The following PHLDB2 variants were observed in gnomAD, a reference collection of about 807,000 sequenced individuals.
The protein encoded by PHLDB2 is pleckstrin homology-like domain family B member 2.
PHLDB2 carries 71 observed loss-of-function variants against 123.6 expected under a neutral mutation model. The ratio of observed to expected loss-of-function variants is 0.57; its 90% CI spans 0.47 to 0.70. The LOEUF is 0.70. Among genes scored for constraint, PHLDB2 ranks in the 30% least tolerant of loss-of-function variants. PHLDB2 has a pLI of 0.00. For missense variants in PHLDB2, 1,446 were observed against 1,519.5 expected (o/e 0.95, Z 0.80); for synonymous variants, 547 against 541.6 (o/e 1.01, Z -0.14).
intron 1 of PHLDB2, among the ~76,000 whole-genome samples, chr3:111,740,653 G>A (rs903399527): frequency 1.3e-5 from 2 of 152,014 alleles, no homozygotes; most frequent in Admixed American, 6.6e-5. Flanking sequence ...TGTCACAACC[G>A]TATTAACTAC....
In PHLDB2 at chr3:111,919,065, A is replaced by T. The variant is rs367820096; in HGVS notation, c.1720-7A>T. The T allele has an allele frequency of 1.2e-6, 2 of 1,613,602 alleles. No individual in the cohort carries two copies. The highest frequency in any genetic ancestry group is 1.7e-6 in the Non-Finnish European group (2 of 1,179,460). On this transcript the variant is annotated splice_polypyrimidine_tract_variant and splice_region_variant and intron_variant, in intron 3 of 17. Transcript: ENST00000431670. ...GAATAATCCATTTCTGTGTTGATTAATCGCAGACCCCAGAGGGTATAAGTG... is the reference window on the plus strand; with the variant it reads ...GAATAATCCATTTCTGTGTTGATTATTCGCAGACCCCAGAGGGTATAAGTG...
At chr3:111,765,043 G>C (rs990211562) in intron 1 of PHLDB2, among the ~76,000 whole-genome samples, 3 of 152,230 alleles carry the variant, frequency 2.0e-5, no homozygotes, top group African/African-American at 7.2e-5. Context: ...GAACATGCCA[G>C]TGCAGTTCCA....
chr3:111,973,204 C>T (rs1047809521), intron 16 of PHLDB2, among the ~76,000 whole-genome samples: 1 of 151,260 alleles, frequency 6.6e-6, no homozygotes, highest in Non-Finnish European at 1.5e-5. Context: ...ATTGAAAGGA[C>T]AATAAATTAT....
intron 1 of PHLDB2, among the ~76,000 whole-genome samples, chr3:111,756,002 C>T (rs1270443326): frequency 6.6e-6 from 1 of 151,982 alleles, no homozygotes; most frequent in Non-Finnish European, 1.5e-5. Flanking sequence ...TTTGATTGCG[C>T]TGTGGTCTGA....
At chr3:111,769,954 A>G (rs2060145939) in intron 1 of PHLDB2, among the ~76,000 whole-genome samples, 1 of 152,260 alleles carries the variant, frequency 6.6e-6, no homozygotes, top group African/African-American at 2.4e-5. Context: ...AAATTAACCC[A>G]TAGAATCCAT....
At chr3:111,746,629 G>A (rs1190759054) in intron 1 of PHLDB2, among the ~76,000 whole-genome samples, 2 of 152,112 alleles carry the variant, frequency 1.3e-5, no homozygotes, top group Non-Finnish European at 2.9e-5. Flanking sequence ...GCTGGGTGTG[G>A]TGGCACATAT....
At chr3:111,961,125 G>C (rs1159681821) in intron 12 of PHLDB2, among the ~76,000 whole-genome samples, 1 of 152,148 alleles carries the variant, frequency 6.6e-6, no homozygotes, top group African/African-American at 2.4e-5. Context: ...AAGGTCAAGA[G>C]ATCAGGATAA....
At chr3:111,958,149 G>A in intron 12 of PHLDB2, 1 of 385,598 alleles carries the variant, frequency 2.6e-6, no homozygotes, top group Non-Finnish European at 3.5e-6. Flanking sequence ...TGGAAGTGTT[G>A]TATGTTTTTC....
intron 1 of PHLDB2, among the ~76,000 whole-genome samples, chr3:111,769,994 C>A (rs564434115): frequency 6.6e-6 from 1 of 152,298 alleles, no homozygotes; most frequent in East Asian, 1.9e-4. Context: ...TACTTTTTAG[C>A]GTCTCAGATA....
chr3:111,923,350 T>C (rs2068632446), intron 5 of PHLDB2, among the ~76,000 whole-genome samples: 1 of 152,214 alleles, frequency 6.6e-6, no homozygotes, highest in Non-Finnish European at 1.5e-5. Flanking sequence ...TTTGCCTCTG[T>C]GTACCACAAT....
intron 2 of PHLDB2, among the ~76,000 whole-genome samples, chr3:111,906,221 G>A (rs1412328216): frequency 6.6e-6 from 1 of 152,178 alleles, no homozygotes; most frequent in East Asian, 1.9e-4. Flanking sequence ...CCTGATGTTT[G>A]CACAAAAATG....
At chr3:111,970,084 T>C (rs1020729368) in intron 16 of PHLDB2, among the ~76,000 whole-genome samples, 175 bp downstream of exon 16, 1 of 152,240 alleles carries the variant, frequency 6.6e-6, no homozygotes, top group Non-Finnish European at 1.5e-5. Context: ...CCATATGATA[T>C]GAATTTCCTT....
intron 13 of PHLDB2, among the ~76,000 whole-genome samples, chr3:111,963,663 A>G (rs922663420): frequency 6.6e-6 from 1 of 152,182 alleles, no homozygotes; most frequent in Non-Finnish European, 1.5e-5. Flanking sequence ...TCATCCTACA[A>G]ATATTTTTTT....
rs570792363 is a variant in PHLDB2 at position 111,928,732 on chromosome 3, C to G, written c.2002-3537C>G. ...ATATATGAATGTGGAACTCTAGAAACGTCAGTTTTAAATATACAAAATAGG... is the reference window on the plus strand; with the variant it reads ...ATATATGAATGTGGAACTCTAGAAAGGTCAGTTTTAAATATACAAAATAGG... On this transcript the variant is annotated intron_variant, in intron 5 of 17. Coordinates refer to ENST00000431670, the MANE Select transcript of PHLDB2 (RefSeq NM_001134438.2). 2.0e-5 allele frequency among the ~76,000 whole-genome samples: 3 copies of G among 152,256 alleles called. No homozygotes were observed. The East Asian group carries it at 5.8e-4, about 29-fold the overall frequency.
chr3:111,913,686 T>C lies in PHLDB2; in HGVS notation c.1703T>C (p.Leu568Pro), dbSNP rs776783868. ...FPKASSESSY[L>P]SILPKTPEGI... ...AAAGCTTCCAGCGAGTCCTCTTATCTAAGTATCCTACCAAAGGTAATGTTG... is the reference window on the plus strand; with the variant it reads ...AAAGCTTCCAGCGAGTCCTCTTATCCAAGTATCCTACCAAAGGTAATGTTG... Residue 568 changes from leucine to proline, a missense_variant, in exon 3 of 18, where the codon CTA becomes CCA. By Grantham distance (98) the Leu-to-Pro change is moderately conservative (BLOSUM62 -3). This residue lies in a region of PHLDB2 where 832 missense variants were observed against 831.9 expected (regional missense o/e 1.00). Coordinates refer to ENST00000431670, the MANE Select transcript of PHLDB2 (RefSeq NM_001134438.2). 6.2e-7 allele frequency: 1 copy of C among 1,612,344 alleles called. No homozygotes were observed. The highest frequency in any genetic ancestry group is 1.7e-5 in the Admixed American group (1 of 60,018).
Position 111,966,704 on chromosome 3 carries a change from GT to G in PHLDB2, c.3168+2del, listed in dbSNP as rs774575792. The G allele has an allele frequency of 6.2e-7, 1 of 1,611,018 alleles. No individual in the cohort carries two copies. The highest frequency in any genetic ancestry group is 2.2e-5 in the East Asian group (1 of 44,720). On this transcript the variant is annotated splice_donor_variant, in intron 14 of 17. Transcript: ENST00000431670. LOFTEE classifies it high-confidence loss of function. ...AAAGACGCGGCTGCTCGAATCCAGG[GT>G]AAGCTTCATATTTTCATGCCGGAGG...
chr3:111,948,955 T>G lies in PHLDB2; in HGVS notation c.2511T>G (p.Ile837Met). Residue 837 changes from isoleucine (I) to methionine (M), a missense_variant, in exon 10 of 18, where the codon ATT (isoleucine) becomes ATG (methionine). Around this residue, in one of 3 missense-constraint regions of PHLDB2, gnomAD observed 594 missense variants for 646.0 expected, o/e 0.92. Coordinates refer to ENST00000431670, the MANE Select transcript of PHLDB2 (RefSeq NM_001134438.2). The part of the protein sequence containing the change: ...LKEGYISVNE[I>M]NEPCGNSTNL... ...AGGGCTATATCAGTGTAAATGAGAT[T>G]AATGAGCCGTGTGGCAATTCCACGA... 6.2e-7 allele frequency: 1 copy of G among 1,614,042 alleles called. No homozygotes were observed. Among genetic ancestry groups the G allele is most frequent in the South Asian group, 1.1e-5 (1 of 91,084 alleles).
chr3:111,910,167 T>G (rs1256846872), intron 2 of PHLDB2, among the ~76,000 whole-genome samples: 2 of 152,090 alleles, frequency 1.3e-5, no homozygotes, highest in Non-Finnish European at 2.9e-5. Context: ...AAGTGAAAAA[T>G]TGCACACAAT....
chr3:111,780,936 T>C (rs999932929), intron 1 of PHLDB2, among the ~76,000 whole-genome samples: 1 of 152,110 alleles, frequency 6.6e-6, no homozygotes, highest in Non-Finnish European at 1.5e-5. Flanking sequence ...AATCTTGATT[T>C]TCCCCCAAAT....
Sources: gnomAD v4.1 joint callset for allele counts (sites outside exome capture counted in the v4.1 genomes callset) on GRCh38, gnomAD v4.1.1 for gene constraint, gnomAD v4.1.1 regional missense constraint, MANE v1.5 for transcripts, NCBI Gene and HGNC (gene_info 2026-07-23, HGNC 2026-07-21) for gene names.